The following TMEM67 variants were observed in gnomAD, a reference collection of about 807,000 sequenced individuals.
TMEM67 encodes the protein meckelin.
TMEM67 carries 124 observed loss-of-function variants against 136.6 expected under a neutral mutation model. That is an observed-to-expected ratio of 0.91 (90% CI 0.78 to 1.05). TMEM67 has a LOEUF of 1.05. TMEM67 is among the 50% of genes least tolerant of loss of function. The pLI is 0.00. For missense variants in TMEM67, 1,107 were observed against 1,178.4 expected (o/e 0.94, Z 0.89); for synonymous variants, 364 against 390.5 (o/e 0.93, Z 0.80).
In TMEM67 at chr8:93,755,006, C is replaced by T. The variant is rs1054088508; in HGVS notation, c.92C>T (p.Pro31Leu). ...ACCGCGTTCCTTCTGTTGTTCCTCCCTCGCTTCTTACAGGCCCAGACCTTC... is the reference window on the plus strand; with the variant it reads ...ACCGCGTTCCTTCTGTTGTTCCTCCTTCGCTTCTTACAGGCCCAGACCTTC... ...AVTAFLLLFL[P>L]RFLQAQTFSF... is the part of the protein sequence containing the mutation. Residue 31 changes from proline (P) to leucine (L), a missense_variant, in exon 1 of 28, where the codon CCT (proline) becomes CTT (leucine). Coordinates refer to ENST00000453321, the MANE Select transcript of TMEM67 (RefSeq NM_153704.6). The T allele has an allele frequency of 1.2e-6, 2 of 1,614,238 alleles. No individual in the cohort carries two copies. The highest frequency in any genetic ancestry group is 1.6e-4 in the Middle Eastern group (1 of 6,062).
At position 93,787,885 on chromosome 8, in the gene TMEM67, C is replaced by A. The variant is rs1814185580; in HGVS notation, c.1454C>A (p.Pro485His). The A allele has an allele frequency of 3.1e-6, 5 of 1,614,036 alleles. No homozygotes were observed. Among genetic ancestry groups the A allele is most frequent in the Non-Finnish European group, 3.4e-6 (4 of 1,179,946 alleles). The stretch of plus-strand genomic sequence containing the variant: ...AACACAATAAATGGAAACATCTACC[C>A]TCCCTTAATCACCATTGCCTACAGT... ...VPNTINGNIY[P>H]PLITIAYSDI... Residue 485 changes from proline (P) to histidine (H), a missense_variant, in exon 14 of 28, where the codon CCT (proline) becomes CAT (histidine). This residue lies in a region of TMEM67 where 925 missense variants were observed against 1,002.4 expected (regional missense o/e 0.92). Coordinates refer to ENST00000453321, the MANE Select transcript of TMEM67 (RefSeq NM_153704.6).
chr8:93,783,235 C>T (rs1218593782), intron 11 of TMEM67, among the ~76,000 whole-genome samples: 1 of 152,182 alleles, frequency 6.6e-6, no homozygotes, highest in Non-Finnish European at 1.5e-5. Context: ...ATCCACCAGC[C>T]TTGGCCTCCC....
downstream of TMEM67, among the ~76,000 whole-genome samples, chr8:93,819,625 A>G (rs529730908): frequency 2.6e-5 from 4 of 152,328 alleles, no homozygotes; most frequent in Middle Eastern, 3.4e-3. Flanking sequence ...CTTCTGGGTC[A>G]TCAGGGCTTT....
intron 13 of TMEM67, among the ~76,000 whole-genome samples, chr8:93,787,513 A>T (rs959343100): frequency 2.0e-5 from 3 of 152,286 alleles, no homozygotes; most frequent in African/African-American, 2.4e-5. Flanking sequence ...ATTATTCCTC[A>T]AAGATAGTTT....
chr8:93,786,402 G>A (rs1485710157), intron 13 of TMEM67, 56 bp downstream of exon 13: 11 of 1,583,838 alleles, frequency 6.9e-6, no homozygotes, highest in Non-Finnish European at 8.6e-6. Flanking sequence ...GGAAGTGTTT[G>A]CCAGTCATTA....
chr8:93,787,761 A>T, intron 13 of TMEM67, 83 bp from the exon 14 acceptor site: 1 of 1,089,108 alleles, frequency 9.2e-7, no homozygotes. Flanking sequence ...AATTCATATT[A>T]AATTCAAAAG....
intron 23 of TMEM67, among the ~76,000 whole-genome samples, chr8:93,806,609 C>G (rs1042346646): frequency 6.6e-6 from 1 of 151,932 alleles, no homozygotes; most frequent in Non-Finnish European, 1.5e-5. Flanking sequence ...GTGGAAAAAA[C>G]AAGAGGATTT....
At chr8:93,824,347 G>A in the TMEM67 span, among the ~76,000 whole-genome samples, 1 of 152,184 alleles carries the variant, frequency 6.6e-6, no homozygotes, top group African/African-American at 2.4e-5. Context: ...CTGCCAGGGA[G>A]ACTCATTAAA....
At chr8:93,815,590 AAG>A in intron 27 of TMEM67, 143 bp downstream of exon 27, 1 of 748,174 alleles carries the variant, frequency 1.3e-6, no homozygotes, top group Admixed American at 2.6e-5. Context: ...ACCCCACCAA[AAG>A]AAGGAATAAC....
intron 14 of TMEM67, among the ~76,000 whole-genome samples, chr8:93,788,180 C>T (rs1435906693): frequency 6.6e-6 from 1 of 152,184 alleles, no homozygotes; most frequent in African/African-American, 2.4e-5. Flanking sequence ...GTAGAAGCCT[C>T]ACCAGCAGTT....
At chr8:93,780,838 A>G (rs1282423266) in intron 8 of TMEM67, 36 bp from the exon 9 acceptor site, 1 of 1,592,362 alleles carries the variant, frequency 6.3e-7, no homozygotes, top group African/African-American at 1.3e-5. Flanking sequence ...AGAAATATTT[A>G]TTCTCCATTA....
intron 20 of TMEM67, among the ~76,000 whole-genome samples, chr8:93,798,942 AGTGTGTGTGTGTGT>A (rs35511670): frequency 3.4e-4 from 49 of 143,484 alleles, no homozygotes; most frequent in Admixed American, 2.4e-3. Context: ...GTACTAAAGT[AGTGTGTGTGTGTGT>A]GTGTGTGTGT....
chr8:93,781,104 T>C (rs923209876), intron 9 of TMEM67, 122 bp downstream of exon 9: 4 of 708,888 alleles, frequency 5.6e-6, no homozygotes, highest in African/African-American at 5.4e-5. Flanking sequence ...AAACTAAATA[T>C]AAATGTCAAC....
At chr8:93,762,539 G>A (rs1296649038) in intron 3 of TMEM67, among the ~76,000 whole-genome samples, 1 of 151,894 alleles carries the variant, frequency 6.6e-6, no homozygotes, top group Non-Finnish European at 1.5e-5. Flanking sequence ...ACCCAGGCTG[G>A]ATTCAAACTC....
In TMEM67 at chr8:93,765,938, G is replaced by A. The variant is rs1813064178; in HGVS notation, c.651+292G>A. On this transcript the variant is annotated intron_variant, in intron 6 of 27. Coordinates refer to ENST00000453321, the MANE Select transcript of TMEM67 (RefSeq NM_153704.6). The stretch of plus-strand genomic sequence containing the variant: ...TAATACATTTAAGGGCACCAGAAAC[G>A]CTAGATTTGAACCCTGGATTTGCAA... Among the ~76,000 whole-genome samples the A allele has an allele frequency of 2.0e-5, 3 of 152,026 alleles. No individual in the cohort carries two copies. The South Asian group carries it at 6.2e-4, about 31-fold the overall frequency.
At chr8:93,832,397 C>G in the TMEM67 span, among the ~76,000 whole-genome samples, 1 of 152,234 alleles carries the variant, frequency 6.6e-6, no homozygotes, top group East Asian at 1.9e-4. Flanking sequence ...TCCACCATCT[C>G]TCTACTTTAC....
downstream of TMEM67, among the ~76,000 whole-genome samples, chr8:93,823,248 C>G (rs1378204967): frequency 3.9e-5 from 6 of 152,192 alleles, no homozygotes; most frequent in Non-Finnish European, 1.5e-5. Flanking sequence ...GGAAGACCCC[C>G]TCTTTGACTT....
chr8:93,757,634 T>C (rs1051461458), intron 2 of TMEM67, among the ~76,000 whole-genome samples: 18 of 142,346 alleles, frequency 1.3e-4, no homozygotes, highest in South Asian at 1.1e-3. Context: ...AGACTCTGTC[T>C]CAAAAAAAAA....
intron 23 of TMEM67, among the ~76,000 whole-genome samples, chr8:93,807,019 A>G (rs1456222374): frequency 6.6e-6 from 1 of 152,158 alleles, no homozygotes; most frequent in Non-Finnish European, 1.5e-5. Context: ...AAAAATGACC[A>G]ATAGACACTA....
Sources: allele counts gnomAD v4.1 joint callset (sites outside exome capture counted in the v4.1 genomes callset), GRCh38; gene constraint gnomAD v4.1.1; regional missense constraint gnomAD v4.1.1; transcripts MANE v1.5; gene names NCBI Gene and HGNC (gene_info 2026-07-23, HGNC 2026-07-21).